The following LSR variants were observed in gnomAD, a reference collection of about 807,000 sequenced individuals.
LSR encodes the protein lipolysis stimulated lipoprotein receptor.
Under a neutral mutation model 61.8 loss-of-function variants are expected in LSR, and 44 were observed. The ratio of observed to expected loss-of-function variants is 0.71; its 90% CI spans 0.56 to 0.91. LSR has a LOEUF of 0.91. Ranked by LOEUF, LSR falls within the 40% of genes least tolerant of loss-of-function variation. The pLI is 0.00. For missense variants in LSR, 911 were observed against 830.5 expected, an observed-to-expected ratio of 1.10 and a Z score of -1.19; for synonymous variants, 397 against 350.6, an observed-to-expected ratio of 1.13 and a Z score of -1.48.
intron 5 of LSR, 122 bp from the exon 6 acceptor site, chr19:35,266,237 T>C: frequency 1.4e-6 from 1 of 710,952 alleles, no homozygotes; most frequent in Admixed American, 2.6e-5. Context: ...CCAAGGAAGC[T>C]CTACAGCGGA....
chr19:35,259,941 G>A (rs1568444435), intron 3 of LSR, among the ~76,000 whole-genome samples: 1 of 152,262 alleles, frequency 6.6e-6, no homozygotes, highest in South Asian at 2.1e-4. Flanking sequence ...CAGGTGCCCT[G>A]CTGTAAGCCA....
chr19:35,263,586 T>G (rs1171229894), intron 5 of LSR, among the ~76,000 whole-genome samples: 1 of 152,064 alleles, frequency 6.6e-6, no homozygotes, highest in African/African-American at 2.4e-5. Flanking sequence ...GATCTCAAAC[T>G]CCTGGCCTCA....
intron 1 of LSR, 75 bp downstream of exon 1, chr19:35,249,206 G>C (rs914274583): frequency 6.8e-7 from 1 of 1,475,372 alleles, no homozygotes; most frequent in African/African-American, 1.5e-5. Context: ...AGTTGGAGGC[G>C]GCGGGAAGCG....
chr19:35,261,810 C>G (rs1268122059), intron 3 of LSR, 115 bp from the exon 4 acceptor site: 3 of 619,524 alleles, frequency 4.8e-6, no homozygotes, highest in Non-Finnish European at 8.0e-6. Context: ...GCCCCCAGCC[C>G]CTTCCCGCTT....
chr19:35,267,752 T>C lies in LSR; in HGVS notation c.1770+18T>C, dbSNP rs2066044056. 3.1e-6 allele frequency: 5 copies of C among 1,611,010 alleles called. No homozygotes were observed. The highest frequency in any genetic ancestry group is 3.4e-5 in the Admixed American group (2 of 59,068). On this transcript the variant is annotated intron_variant, in intron 9 of 9. Transcript: ENST00000605618. ...TCAAGAAGGTGAGGGCCGCCCTCCC[T>C]GGCGTCCAGACCGTCCCTGGGCCCC...
rs747460342 is a variant in LSR, at chr19:35,266,976, G to A, written c.1144+9G>A. Reference sequence around the variant, plus strand: ...TGGCCGTGTGGAGCGGGGTAAGCAGGAGCCTTGGGGTCTGAGGGCTTTTAA... The same window carrying A: ...TGGCCGTGTGGAGCGGGGTAAGCAGAAGCCTTGGGGTCTGAGGGCTTTTAA... On this transcript the variant is annotated intron_variant, in intron 8 of 9. Coordinates refer to ENST00000605618, the MANE Select transcript of LSR (RefSeq NM_205834.4). The A allele has an allele frequency of 6.9e-6, 11 of 1,605,410 alleles. 1 individual carries two copies. The South Asian group carries it at 1.0e-4, about 15-fold the overall frequency.
intron 4 of LSR, among the ~76,000 whole-genome samples, chr19:35,262,245 GCTCT>G (rs937608964): frequency 4.6e-5 from 7 of 152,290 alleles, no homozygotes; most frequent in Admixed American, 4.6e-4. Context: ...TGGGCAGCTG[GCTCT>G]CTCTTTGGTC....
intron 6 of LSR, 51 bp downstream of exon 6, chr19:35,266,583 G>T (rs776969335): frequency 2.5e-5 from 40 of 1,601,954 alleles, no homozygotes; most frequent in Non-Finnish European, 3.4e-5. Context: ...TGGGCATCTG[G>T]ACACTGAGGG....
rs764575508 is a variant in LSR at position 35,267,525 on chromosome 19, C to T, written c.1561C>T (p.His521Tyr). Residue 521 changes from histidine (H) to tyrosine (Y), a missense_variant, in exon 9 of 10, where the codon CAC becomes TAC. His to Tyr is a moderately conservative substitution (Grantham distance 83, BLOSUM62 2). Coordinates refer to ENST00000605618, the MANE Select transcript of LSR (RefSeq NM_205834.4). ...TCCTGCCGACCCCAGGTCCCACCAC[C>T]ACCGTACCCGGGACCCTCGGGACAA... ...RPPADPRSHH[H>Y]RTRDPRDNGS... 14 of 1,612,154 alleles carry T rather than the reference C, an allele frequency of 8.7e-6. No individual in the cohort carries two copies. The Admixed American group carries it at 2.0e-4, about 23-fold the overall frequency.
rs1389475396 is a variant in LSR at position 35,259,020 on chromosome 19, A to C, written c.530A>C (p.Asp177Ala). The C allele has an allele frequency of 6.2e-7, 1 of 1,613,714 alleles. No individual in the cohort carries two copies. ...TACTGCTCCGTGGTCTCAGCCCAGG[A>C]CCTCCAGGGGAACAATGAGGCCTAC... ...VYYCSVVSAQ[D>A]LQGNNEAYAE... Residue 177 changes from aspartate (D) to alanine (A), a missense_variant, in exon 3 of 10, where the codon GAC (aspartate) becomes GCC (alanine). Coordinates refer to ENST00000605618, the MANE Select transcript of LSR (RefSeq NM_205834.4).
chr19:35,250,593 A>G lies in LSR; in HGVS notation c.388A>G (p.Thr130Ala). The G allele has an allele frequency of 6.2e-7, 1 of 1,610,806 alleles. No individual in the cohort carries two copies. The highest frequency in any genetic ancestry group is 8.5e-7 in the Non-Finnish European group (1 of 1,177,736). The change falls in exon 2 of 10, where the codon ACC (threonine) becomes GCC (alanine). Residue 130 changes from threonine (T) to alanine (A), a missense_variant. Transcript: ENST00000605618. ...CGTGCGCACCGTCAGGGTCGTGGCC[A>G]CCAAGCAGGGCAACGCTGTGACCCT... ...DSVRTVRVVA[T>A]KQGNAVTLGD...
At chr19:35,262,091 C>A in intron 4 of LSR, 110 bp downstream of exon 4, 2 of 1,034,054 alleles carry the variant, frequency 1.9e-6, no homozygotes, top group South Asian at 1.6e-5. Context: ...TCACTGTGGA[C>A]CCCTCACTAA....
At chr19:35,260,457 A>T (rs148615415) in intron 3 of LSR, among the ~76,000 whole-genome samples, 3 of 151,498 alleles carry the variant, frequency 2.0e-5, no homozygotes, top group Non-Finnish European at 4.4e-5. Context: ...ACACCCGGCT[A>T]ATTTTTTTTG....
chr19:35,260,207 G>C (rs2065909078), intron 3 of LSR, among the ~76,000 whole-genome samples: 1 of 151,720 alleles, frequency 6.6e-6, no homozygotes, highest in Non-Finnish European at 1.5e-5. Context: ...ATTATCGAGG[G>C]TCTCCAAGAG....
intron 4 of LSR, 95 bp downstream of exon 4, chr19:35,262,076 C>T: frequency 8.4e-7 from 1 of 1,188,242 alleles, no homozygotes; most frequent in Non-Finnish European, 1.2e-6. Context: ...CCCACTAAAC[C>T]CTGCTCACTG....
At chr19:35,250,230 T>C in intron 1 of LSR, 85 bp from the exon 2 acceptor site, 1 of 851,654 alleles carries the variant, frequency 1.2e-6, no homozygotes, top group Admixed American at 2.4e-5. Flanking sequence ...TACTTGCGAG[T>C]GTCAAGCTGG....
At position 35,249,224 on chromosome 19, in the gene LSR, G is replaced by A. The variant is rs889278353; in HGVS notation, c.109+93G>A. On this transcript the variant is annotated intron_variant, in intron 1 of 9. Transcript: ENST00000605618. ...TGGAGGCGGCGGGAAGCGGGAAGCGGGGGTCTCAGAGGCTGGGACCTTCCG... is the reference window on the plus strand; with the variant it reads ...TGGAGGCGGCGGGAAGCGGGAAGCGAGGGTCTCAGAGGCTGGGACCTTCCG... 8 of 1,449,722 alleles carry A rather than the reference G, an allele frequency of 5.5e-6. No homozygotes were observed. In the Admixed American group the frequency reaches 1.7e-4, roughly 31 times the overall value. 89.8% of individuals were successfully genotyped at this position (1,449,722 alleles called of 1,614,324 possible).
At chr19:35,253,317 TAAAAAAA>T (rs917904479) in intron 2 of LSR, 2 of 148,292 alleles carry the variant, frequency 1.3e-5, no homozygotes, top group African/African-American at 4.9e-5. Context: ...GACTCCGTCT[TAAAAAAA>T]AAAGAAAAAA....
At chr19:35,256,573 T>G (rs1300499348) in intron 2 of LSR, among the ~76,000 whole-genome samples, 1 of 152,138 alleles carries the variant, frequency 6.6e-6, no homozygotes, top group Non-Finnish European at 1.5e-5. Flanking sequence ...GACCTCAGGA[T>G]CTCCTGAAAA....
Sources: gnomAD v4.1 joint callset for allele counts (sites outside exome capture counted in the v4.1 genomes callset) on GRCh38, gnomAD v4.1.1 for gene constraint, MANE v1.5 for transcripts, NCBI Gene and HGNC (gene_info 2026-07-23, HGNC 2026-07-21) for gene names.